The following SYTL5 variants were observed in gnomAD, a reference collection of about 807,000 sequenced individuals.
SYTL5 encodes synaptotagmin like 5.
SYTL5 carries 34 observed loss-of-function variants against 55.9 expected under a neutral mutation model. The observed-to-expected ratio is 0.61, with a 90% CI of 0.46 to 0.81. The LOEUF (loss-of-function observed/expected upper bound fraction) is 0.81, where lower values mean the gene tolerates loss of function less well. SYTL5 is among the 30% of genes least tolerant of loss of function. SYTL5 has a pLI of 0.00. For missense variants in SYTL5, 637 were observed against 546.7 expected (o/e 1.17, Z -1.65); for synonymous variants, 221 against 188.7 (o/e 1.17, Z -1.40).
At position 38,033,793 on chromosome X, in the gene SYTL5, A is replaced by G; in HGVS notation, c.-97A>G. 2.1e-6 allele frequency: 1 copy of G among 469,677 alleles called. No homozygotes were observed. Among genetic ancestry groups the G allele is most frequent in the East Asian group, 3.6e-5 (1 of 28,104 alleles). 38.7% of individuals were successfully genotyped at this position (469,677 alleles called of 1,213,427 possible). The stretch of plus-strand genomic sequence containing the variant: ...AATCACACTTTACACCAAACAACTG[A>G]GTGATTCTGAATTGGTTGGGGGAAT... On this transcript the variant is annotated 5_prime_UTR_variant, in exon 2 of 17. Coordinates refer to ENST00000297875, the MANE Select transcript of SYTL5 (RefSeq NM_138780.3).
At chrX:37,951,076 G>A in the SYTL5 span, among the ~76,000 whole-genome samples, 1 of 110,254 alleles carries the variant, frequency 9.1e-6, no homozygotes, top group Non-Finnish European at 1.9e-5. Flanking sequence ...GATCCATAAA[G>A]TAAAAGAATT....
chrX:38,057,480 G>A (rs142739060), intron 3 of SYTL5, among the ~76,000 whole-genome samples: 268 of 111,460 alleles, frequency 2.4e-3, no homozygotes, highest in African/African-American at 8.3e-3. Flanking sequence ...GACAGCTTTG[G>A]CTATTCTGGG....
the SYTL5 span, among the ~76,000 whole-genome samples, chrX:37,989,580 GC>G: frequency 5.4e-5 from 6 of 111,851 alleles, no homozygotes; most frequent in Non-Finnish European, 9.4e-5. Flanking sequence ...ATATTCTCAG[GC>G]CTTGAAACCT....
the SYTL5 span, chrX:37,990,979 C>T: frequency 8.3e-7 from 1 of 1,212,027 alleles, no homozygotes; most frequent in African/African-American, 1.7e-5. Flanking sequence ...AGCCAGAGTT[C>T]CTCCACAATA....
At chrX:37,957,461 G>A in the SYTL5 span, among the ~76,000 whole-genome samples, 1 of 111,839 alleles carries the variant, frequency 8.9e-6, no homozygotes, top group Non-Finnish European at 1.9e-5. Flanking sequence ...TTTGTGTGTG[G>A]TGTATGGCAT....
rs1261671454 is a variant in SYTL5, at chrX:38,126,788, C to A, written c.*58C>A. ...GACCTATCTGGCTGTCTTTTCCTAC[C>A]ATTAGCAAACTGAGACCTGGGATTC... On this transcript the variant is annotated 3_prime_UTR_variant, in exon 17 of 17. Transcript: ENST00000297875. 1.8e-6 allele frequency: 2 copies of A among 1,098,918 alleles called. No homozygotes were observed. Among genetic ancestry groups the A allele is most frequent in the Non-Finnish European group, 2.4e-6 (2 of 818,501 alleles). The allele number at this position is 1,098,918 out of a possible 1,213,427, so 90.6% of individuals were successfully genotyped here.
At chrX:37,980,086 G>A in the SYTL5 span, among the ~76,000 whole-genome samples, 1 of 111,767 alleles carries the variant, frequency 8.9e-6, no homozygotes, top group South Asian at 3.8e-4. Flanking sequence ...CGAGTTTGCT[G>A]AGAATGATGC....
At chrX:37,937,663 C>T in the SYTL5 span, among the ~76,000 whole-genome samples, 5 of 112,014 alleles carry the variant, frequency 4.5e-5, no homozygotes, top group Non-Finnish European at 1.9e-5. Flanking sequence ...AATGAGTGTT[C>T]TTACAAACTG....
At chrX:38,034,113 C>T (rs1482316960) in intron 2 of SYTL5, 105 bp downstream of exon 2, 2 of 383,138 alleles carry the variant, frequency 5.2e-6, no homozygotes, top group Admixed American at 4.4e-5. Context: ...GGACAGATGT[C>T]AGTTAGGAAC....
the SYTL5 span, among the ~76,000 whole-genome samples, chrX:37,925,435 T>C: frequency 9.0e-6 from 1 of 111,305 alleles, no homozygotes; most frequent in African/African-American, 3.3e-5. Flanking sequence ...ATAGTTCTAT[T>C]TTTATTGTTT....
chrX:37,968,593 G>A, the SYTL5 span, among the ~76,000 whole-genome samples: 2 of 111,753 alleles, frequency 1.8e-5, no homozygotes, highest in Non-Finnish European at 3.8e-5. Context: ...GGATATCACA[G>A]TTATCATAAA....
the SYTL5 span, among the ~76,000 whole-genome samples, chrX:37,895,967 T>G: frequency 8.9e-6 from 1 of 112,455 alleles, no homozygotes; most frequent in African/African-American, 3.2e-5. Context: ...TTTGCATGAT[T>G]ATGCTCCCTC....
At chrX:38,086,835 GA>G (rs199590241) in intron 6 of SYTL5, among the ~76,000 whole-genome samples, 1 of 111,663 alleles carries the variant, frequency 9.0e-6, no homozygotes, top group Non-Finnish European at 1.9e-5. Flanking sequence ...TAATCAACTG[GA>G]AAAAATTTTT....
intron 10 of SYTL5, chrX:38,103,009 G>C (rs754485515): frequency 1.1e-5 from 12 of 1,119,699 alleles, no homozygotes; most frequent in Non-Finnish European, 1.4e-5. Flanking sequence ...TTTGATCTTT[G>C]GATGACTTCT....
chrX:38,025,157 G>A (rs1934720574), intron 1 of SYTL5, among the ~76,000 whole-genome samples: 1 of 112,019 alleles, frequency 8.9e-6, no homozygotes, highest in Admixed American at 9.5e-5. Context: ...GATTTAGCTT[G>A]TATTCTAAGC....
intron 2 of SYTL5, among the ~76,000 whole-genome samples, chrX:38,042,768 A>G (rs375381927): frequency 8.9e-6 from 1 of 111,944 alleles, no homozygotes; most frequent in South Asian, 3.8e-4. Context: ...AGTAAAGAAG[A>G]CCCATCCCCT....
the SYTL5 span, among the ~76,000 whole-genome samples, chrX:37,908,559 T>C: frequency 3.6e-5 from 4 of 111,650 alleles, no homozygotes; most frequent in Admixed American, 1.9e-4. Flanking sequence ...AAATAAGTCT[T>C]TTTGAACCTG....
intron 6 of SYTL5, among the ~76,000 whole-genome samples, chrX:38,086,994 C>A (rs767863278): frequency 9.0e-6 from 1 of 111,326 alleles, no homozygotes; most frequent in Non-Finnish European, 1.9e-5. Context: ...AATGTCATCA[C>A]CACAATTAAT....
upstream of SYTL5, among the ~76,000 whole-genome samples, chrX:38,005,929 T>C (rs1340279904): frequency 9.0e-6 from 1 of 111,631 alleles, no homozygotes; most frequent in African/African-American, 3.3e-5. Context: ...AACTAAAGAT[T>C]CAGTACCATA....
Sources: allele counts gnomAD v4.1 joint callset (sites outside exome capture counted in the v4.1 genomes callset), GRCh38; gene constraint gnomAD v4.1.1; transcripts MANE v1.5; gene names NCBI Gene and HGNC (gene_info 2026-07-23, HGNC 2026-07-21).